Variants in DMD observed in about 807,000 individuals in gnomAD.
DMD encodes the protein mutant dystrophin.
In DMD, 63 loss-of-function variants were observed where a neutral mutation model predicts 330.1. The observed-to-expected ratio is 0.19, with a 90% confidence interval of 0.16 to 0.24. The LOEUF (loss-of-function observed/expected upper bound fraction) is 0.24. Ranked by LOEUF, DMD falls within the 10% of genes least tolerant of loss-of-function variation. DMD has a pLI of 1.00. For synonymous variants in DMD, 1,223 were observed against 959.8 expected (o/e 1.27, Z -5.07); for missense variants, 3,344 against 2,684.1 (o/e 1.25, Z -5.43).
chrX:32,867,540 T>C (rs2082611854), intron 2 of DMD, among the ~76,000 whole-genome samples: 1 of 112,147 alleles, frequency 8.9e-6, no homozygotes, highest in African/African-American at 3.2e-5. Context: ...AAATAGAAGT[T>C]TTTACCAAGA....
Position 32,124,976 on chromosome X carries a change from AAAAC to A in DMD, c.6438+91936_6438+91939del, listed in dbSNP as rs1167353943. On this transcript the variant is annotated intron_variant, in intron 44 of 78. Coordinates refer to ENST00000357033, the MANE Select transcript of DMD (RefSeq NM_004006.3). ...AGTTAGAGAAATCTAAAAAAAAAAA[AAAAC>A]AAAGTTAGTGTAGTTGGAGTACAGA... 4.8e-4 allele frequency among the ~76,000 whole-genome samples: 53 copies of A among 110,324 alleles called. No homozygotes were observed. The Admixed American group carries it at 5.2e-3, about 11-fold the overall frequency.
At chrX:32,029,903 C>G (rs1396575821) in intron 44 of DMD, among the ~76,000 whole-genome samples, 3 of 111,426 alleles carry the variant, frequency 2.7e-5, no homozygotes, top group African/African-American at 9.8e-5. Context: ...CTAGTTTGAA[C>G]CTATGGGGTT....
intron 47 of DMD, among the ~76,000 whole-genome samples, chrX:31,926,530 G>T (rs934572148): frequency 9.1e-6 from 1 of 110,203 alleles, no homozygotes; most frequent in African/African-American, 3.3e-5. Flanking sequence ...ACAAAAATTA[G>T]TTGGGTGTGG....
intron 62 of DMD, among the ~76,000 whole-genome samples, chrX:31,295,554 C>T (rs751565615): frequency 1.1e-3 from 122 of 111,297 alleles, no homozygotes; most frequent in African/African-American, 3.8e-3. Context: ...GCTGGGATTA[C>T]AAGCGCTCGC....
intron 6 of DMD, 87 bp downstream of exon 6, chrX:32,816,381 A>T: frequency 9.7e-7 from 1 of 1,028,491 alleles, no homozygotes; most frequent in Non-Finnish European, 1.4e-6. Flanking sequence ...GTAGGACATG[A>T]TCTGGAACCA....
chrX:32,481,696 G>C (rs754262198), intron 21 of DMD, among the ~76,000 whole-genome samples: 15 of 111,497 alleles, frequency 1.3e-4, no homozygotes, highest in African/African-American at 4.5e-4. Context: ...ACATTCTCCA[G>C]GTTTGGTTCT....
At chrX:31,753,751 A>C (rs2088808863) in intron 51 of DMD, among the ~76,000 whole-genome samples, 1 of 111,993 alleles carries the variant, frequency 8.9e-6, no homozygotes, top group Middle Eastern at 4.6e-3. Context: ...CCAAAGAAAA[A>C]TTCTACACAA....
At chrX:32,831,875 T>A (rs1353753144) in intron 4 of DMD, among the ~76,000 whole-genome samples, 1 of 111,162 alleles carries the variant, frequency 9.0e-6, no homozygotes, top group Non-Finnish European at 1.9e-5. Context: ...GAAAGTTATA[T>A]CTCATTCACA....
At chrX:32,823,525 T>G in intron 4 of DMD, 138 bp from the exon 5 acceptor site, 1 of 476,319 alleles carries the variant, frequency 2.1e-6, no homozygotes. Context: ...GAAAATAATC[T>G]AAAAATTAAA....
chrX:33,034,389 C>G (rs1287632858), intron 1 of DMD, among the ~76,000 whole-genome samples: 3 of 111,441 alleles, frequency 2.7e-5, no homozygotes, highest in Non-Finnish European at 3.8e-5. Flanking sequence ...ACCTGCCTAT[C>G]TGGGTTCGAA....
chrX:31,200,339 G>A (rs1241367238), intron 67 of DMD, among the ~76,000 whole-genome samples: 1 of 111,579 alleles, frequency 9.0e-6, no homozygotes, highest in Non-Finnish European at 1.9e-5. Flanking sequence ...GGTAGTAAAT[G>A]TGGCGGTGGG....
intron 25 of DMD, among the ~76,000 whole-genome samples, chrX:32,456,494 G>GT (rs1569563327): frequency 9.0e-6 from 1 of 110,666 alleles, no homozygotes; most frequent in Non-Finnish European, 1.9e-5. Context: ...TTTTAAGGCA[G>GT]TTGGTGAAGC....
At chrX:32,241,298 A>G (rs1003158779) in intron 43 of DMD, among the ~76,000 whole-genome samples, 1 of 112,174 alleles carries the variant, frequency 8.9e-6, no homozygotes, top group Non-Finnish European at 1.9e-5. Context: ...AAGTTCTTGC[A>G]CTGCAATGTT....
At chrX:32,342,987 A>T in intron 40 of DMD, 147 bp downstream of exon 40, 1 of 580,143 alleles carries the variant, frequency 1.7e-6, no homozygotes, top group Non-Finnish European at 2.9e-6. Context: ...CAATACATTT[A>T]CTGAAAACAA....
intron 9 of DMD, among the ~76,000 whole-genome samples, chrX:32,657,485 G>A (rs1158104016): frequency 9.0e-6 from 1 of 111,555 alleles, no homozygotes; most frequent in Non-Finnish European, 1.9e-5. Flanking sequence ...CTAAAAGGGG[G>A]GACCTATTTC....
At chrX:32,012,404 T>C (rs1369546027) in intron 44 of DMD, among the ~76,000 whole-genome samples, 1 of 111,913 alleles carries the variant, frequency 8.9e-6, no homozygotes, top group Non-Finnish European at 1.9e-5. Flanking sequence ...TGCACTTCTC[T>C]TCCATTATTG....
chrX:31,769,210 G>A (rs1193019477), intron 51 of DMD, among the ~76,000 whole-genome samples: 1 of 111,575 alleles, frequency 9.0e-6, no homozygotes, highest in Non-Finnish European at 1.9e-5. Flanking sequence ...TCTAAGGTTT[G>A]GTCTGAATCT....
intron 50 of DMD, among the ~76,000 whole-genome samples, chrX:31,783,075 C>A (rs1603465765): frequency 9.0e-6 from 1 of 111,596 alleles, no homozygotes; most frequent in African/African-American, 3.2e-5. Context: ...GAAGGGTGGT[C>A]ATCAATTGCA....
intron 41 of DMD, among the ~76,000 whole-genome samples, chrX:32,324,160 A>C (rs1482421109): frequency 1.8e-5 from 2 of 111,669 alleles, no homozygotes; most frequent in Non-Finnish European, 3.8e-5. Context: ...TATTTCCAAC[A>C]CATATAAATG....
Sources: allele counts gnomAD v4.1 joint callset (sites outside exome capture counted in the v4.1 genomes callset), GRCh38; gene constraint gnomAD v4.1.1; transcripts MANE v1.5; gene names NCBI Gene and HGNC (gene_info 2026-07-23, HGNC 2026-07-21).